EGFR: variants seen among roughly 807,000 people sequenced by gnomAD.
EGFR encodes avian erythroblastic leukemia viral (v-erb-b) oncogene homolog.
A neutral mutation model predicts 143.0 loss-of-function variants in EGFR; 58 were observed. That is an observed-to-expected ratio of 0.41 (90% CI 0.33 to 0.50). The LOEUF (loss-of-function observed/expected upper bound fraction) is 0.50, where lower values mean the gene tolerates loss of function less well. Among genes scored for constraint, EGFR ranks in the 20% least tolerant of loss-of-function variants. EGFR has a pLI of 0.39. For missense variants in EGFR, 1,307 were observed against 1,579.0 expected (o/e 0.83, Z 2.92); for synonymous variants, 613 against 594.4 (o/e 1.03, Z -0.45).
intron 15 of EGFR, chr7:55,168,375 G>A: frequency 1.5e-6 from 1 of 681,336 alleles, no homozygotes. Flanking sequence ...CTTAGGGGAG[G>A]TCCAGAAAGT....
intron 8 of EGFR, 25 bp downstream of exon 8, chr7:55,155,971 C>T (rs766682829): frequency 1.3e-6 from 2 of 1,570,224 alleles, no homozygotes; most frequent in East Asian, 2.3e-5. Flanking sequence ...GGTGTGCGGA[C>T]GAGGCTTGTT....
At chr7:55,020,817 G>A (rs928405016) in intron 1 of EGFR, among the ~76,000 whole-genome samples, 2 of 151,828 alleles carry the variant, frequency 1.3e-5, no homozygotes, top group Non-Finnish European at 2.9e-5. Flanking sequence ...CAGCGCGGTC[G>A]TTGGGGGAGG....
At position 55,151,326 on chromosome 7, in the gene EGFR, A is replaced by G. The variant is rs2128932547; in HGVS notation, c.592A>G (p.Ser198Gly). Reference sequence around the variant, plus strand: ...GTGTGATCCAAGCTGTCCCAATGGGAGCTGCTGGGGTGCAGGAGAGGAGAA... The same window carrying G: ...GTGTGATCCAAGCTGTCCCAATGGGGGCTGCTGGGGTGCAGGAGAGGAGAA... ...QKCDPSCPNG[S>G]CWGAGEENCQ... The change falls in exon 5 of 28, where the codon AGC becomes GGC. Residue 198 changes from serine (S) to glycine (G), a missense_variant. Physicochemically the swap from Ser to Gly is moderately conservative, Grantham distance 56. This residue lies in a region of EGFR where 311 missense variants were observed against 412.3 expected (regional missense o/e 0.75). Transcript: ENST00000275493. 6.2e-7 allele frequency: 1 copy of G among 1,614,190 alleles called. No individual in the cohort carries two copies. The highest frequency in any genetic ancestry group is 8.5e-7 in the Non-Finnish European group (1 of 1,180,026).
intron 1 of EGFR, among the ~76,000 whole-genome samples, chr7:55,029,734 G>A (rs919864684): frequency 6.6e-6 from 1 of 152,074 alleles, no homozygotes; most frequent in Non-Finnish European, 1.5e-5. Flanking sequence ...GTAATTTGTT[G>A]TTAGTTATAA....
intron 1 of EGFR, among the ~76,000 whole-genome samples, chr7:55,081,640 A>G (rs1188328901): frequency 6.6e-6 from 1 of 151,526 alleles, no homozygotes; most frequent in Non-Finnish European, 1.5e-5. Flanking sequence ...TTACCAAATC[A>G]CCCACTAACC....
At chr7:55,033,647 T>C (rs1787393574) in intron 1 of EGFR, among the ~76,000 whole-genome samples, 1 of 152,166 alleles carries the variant, frequency 6.6e-6, no homozygotes, top group Non-Finnish European at 1.5e-5. Context: ...GTGTTCTCCA[T>C]GGCTACATGA....
chr7:55,159,252 T>C (rs1010214227), intron 11 of EGFR, among the ~76,000 whole-genome samples: 8 of 152,104 alleles, frequency 5.3e-5, no homozygotes, highest in Admixed American at 4.6e-4. Context: ...GGCAGGGGCT[T>C]AGTGGTTCTT....
chr7:55,142,626 T>C (rs1230964765), intron 2 of EGFR, among the ~76,000 whole-genome samples, 189 bp downstream of exon 2: 3 of 152,192 alleles, frequency 2.0e-5, no homozygotes, highest in Admixed American at 1.3e-4. Flanking sequence ...TAGAAAAGGA[T>C]ATCAAATAGA....
intron 1 of EGFR, among the ~76,000 whole-genome samples, chr7:55,101,469 C>G (rs1791821441): frequency 6.6e-6 from 1 of 152,202 alleles, no homozygotes; most frequent in South Asian, 2.1e-4. Flanking sequence ...AGAAATCCAT[C>G]CTCTTATCAC....
chr7:55,103,666 T>C (rs1791954889), intron 1 of EGFR, among the ~76,000 whole-genome samples: 1 of 152,204 alleles, frequency 6.6e-6, no homozygotes, highest in Non-Finnish European at 1.5e-5. Context: ...TCGTGGGTGT[T>C]TGGATATTGG....
Position 55,145,683 on chromosome 7 carries a change from G to A in EGFR, c.425-923G>A, listed in dbSNP as rs186567205. Among the ~76,000 whole-genome samples, 31 of 152,328 alleles carry A rather than the reference G, an allele frequency of 2.0e-4. No individual in the cohort carries two copies. The East Asian group carries it at 5.6e-3, about 27-fold the overall frequency. ...CTGGGCATTGCTTCATGAATCAGAGGTCAATTTTTTCTCTATTAAAGTCAC... is the reference window on the plus strand; with the variant it reads ...CTGGGCATTGCTTCATGAATCAGAGATCAATTTTTTCTCTATTAAAGTCAC... On this transcript the variant is annotated intron_variant, in intron 3 of 27. Coordinates refer to ENST00000275493, the MANE Select transcript of EGFR (RefSeq NM_005228.5).
chr7:55,188,577 TC>T (rs1787246271), intron 20 of EGFR, among the ~76,000 whole-genome samples: 1 of 152,200 alleles, frequency 6.6e-6, no homozygotes, highest in Non-Finnish European at 1.5e-5. Context: ...AGTGAGGGTC[TC>T]GGAGAAGAAG....
intron 27 of EGFR, among the ~76,000 whole-genome samples, chr7:55,204,311 C>CCA (rs377750037): frequency 7.1e-6 from 1 of 141,380 alleles, no homozygotes; most frequent in Middle Eastern, 4.9e-3. Context: ...TGTACACACG[C>CCA]CACACACACA....
intron 23 of EGFR, among the ~76,000 whole-genome samples, chr7:55,199,401 G>A (rs1026131418): frequency 6.6e-6 from 1 of 152,244 alleles, no homozygotes; most frequent in Non-Finnish European, 1.5e-5. Flanking sequence ...GGGCTCTGGA[G>A]GTAGCATTAC....
intron 1 of EGFR, among the ~76,000 whole-genome samples, chr7:55,081,566 GC>G (rs1445529152): frequency 6.6e-6 from 1 of 152,226 alleles, no homozygotes; most frequent in Admixed American, 6.5e-5. Flanking sequence ...CCTGAATTCT[GC>G]CCCTCGGTCT....
chr7:55,201,801 T>C lies in EGFR; in HGVS notation c.3162+19T>C, dbSNP rs369400188. 14 of 1,614,024 alleles carry C rather than the reference T, an allele frequency of 8.7e-6. No homozygotes were observed. Among genetic ancestry groups the C allele is most frequent in the South Asian group, 6.6e-5 (6 of 91,078 alleles). The stretch of plus-strand genomic sequence containing the variant: ...AAATGGGGTATGTATGAACACCTTA[T>C]AAGCCAGAATTTACAGCTCTCCACT... On this transcript the variant is annotated intron_variant, in intron 26 of 27. Transcript: ENST00000275493.
In EGFR at chr7:55,171,210, A is replaced by G. The variant is rs952307505; in HGVS notation, c.1916A>G (p.Asn639Ser). 3 of 1,614,084 alleles carry G rather than the reference A, an allele frequency of 1.9e-6. No individual in the cohort carries two copies. In the African/African-American group the frequency reaches 4.0e-5, roughly 22 times the overall value. Residue 639 changes from asparagine to serine, a missense_variant, in exon 16 of 28, where the codon AAT (asparagine) becomes AGT (serine). Transcript: ENST00000275493. ...TGPGLEGCPT[N>S]GPKIPSIATG... is the part of the protein sequence containing the mutation. ...CCAGGTCTTGAAGGCTGTCCAACGA[A>G]TGGGTAAGTGTTCACAGCTCTGTGT...
intron 15 of EGFR, among the ~76,000 whole-genome samples, chr7:55,166,877 TGA>T (rs1223503554): frequency 2.5e-4 from 32 of 126,340 alleles, no homozygotes; most frequent in South Asian, 7.7e-4. Flanking sequence ...GTGGTAGTGA[TGA>T]TGGTGTTGAT....
At chr7:55,047,297 A>G (rs1788230646) in intron 1 of EGFR, among the ~76,000 whole-genome samples, 1 of 152,236 alleles carries the variant, frequency 6.6e-6, no homozygotes, top group African/African-American at 2.4e-5. Flanking sequence ...TAGTACACGA[A>G]TTTCAGTTTA....
Sources: gnomAD v4.1 joint callset for allele counts (sites outside exome capture counted in the v4.1 genomes callset) on GRCh38, gnomAD v4.1.1 for gene constraint, gnomAD v4.1.1 regional missense constraint, MANE v1.5 for transcripts, NCBI Gene and HGNC (gene_info 2026-07-23, HGNC 2026-07-21) for gene names.